Variants in GRB14 observed in about 807,000 individuals in gnomAD.
GRB14 encodes growth factor receptor-bound protein 14.
A neutral mutation model predicts 69.1 loss-of-function variants in GRB14; 38 were observed. That is an observed-to-expected ratio of 0.55 (90% confidence interval 0.42 to 0.72). GRB14 has a LOEUF of 0.72. GRB14 is among the 30% of genes least tolerant of loss of function. The pLI, the probability that GRB14 is intolerant of heterozygous loss-of-function variation, is 0.00. For missense variants in GRB14, 666 were observed against 666.1 expected (o/e 1.00, Z 0.00); for synonymous variants, 247 against 241.3 (o/e 1.02, Z -0.22).
chr2:164,552,279 T>C (rs182413891), intron 2 of GRB14, among the ~76,000 whole-genome samples: 2 of 152,348 alleles, frequency 1.3e-5, no homozygotes, highest in African/African-American at 4.8e-5. Context: ...AGTCTCTCTT[T>C]ATTCATAATT....
intron 8 of GRB14, among the ~76,000 whole-genome samples, chr2:164,503,747 A>T (rs1044527369): frequency 1.6e-4 from 24 of 152,328 alleles, no homozygotes; most frequent in African/African-American, 5.3e-4. Context: ...AATAACCTCA[A>T]ACCAACACTT....
chr2:164,519,464 A>G (rs1404076743), intron 6 of GRB14, among the ~76,000 whole-genome samples: 1 of 152,048 alleles, frequency 6.6e-6, no homozygotes, highest in Non-Finnish European at 1.5e-5. Flanking sequence ...ATGGATGCTC[A>G]CTCTCACCGG....
At chr2:164,606,118 T>A (rs1301288626) in intron 2 of GRB14, among the ~76,000 whole-genome samples, 1 of 152,182 alleles carries the variant, frequency 6.6e-6, no homozygotes, top group Admixed American at 6.6e-5. Context: ...CAATTAAAGT[T>A]AACGTTCCAA....
At chr2:164,511,405 A>C (rs1186328219) in intron 6 of GRB14, among the ~76,000 whole-genome samples, 1 of 152,156 alleles carries the variant, frequency 6.6e-6, no homozygotes, top group African/African-American at 2.4e-5. Context: ...TCTGTCTTAC[A>C]TCTTGGATAC....
chr2:164,563,113 C>T (rs749398324), intron 2 of GRB14, among the ~76,000 whole-genome samples: 2 of 152,004 alleles, frequency 1.3e-5, no homozygotes. Context: ...TAAACTAAGA[C>T]CACCATCCAT....
At chr2:164,512,054 A>C (rs1687353039) in intron 6 of GRB14, among the ~76,000 whole-genome samples, 1 of 152,170 alleles carries the variant, frequency 6.6e-6, no homozygotes, top group Non-Finnish European at 1.5e-5. Context: ...CTGCCAGTGA[A>C]AAGTGGGGGG....
At chr2:164,556,081 C>A (rs1346249426) in intron 2 of GRB14, among the ~76,000 whole-genome samples, 1 of 152,018 alleles carries the variant, frequency 6.6e-6, no homozygotes, top group Non-Finnish European at 1.5e-5. Flanking sequence ...TTTTAGATAT[C>A]TTGAATTAAG....
intron 9 of GRB14, among the ~76,000 whole-genome samples, chr2:164,499,658 GA>G (rs1005211531): frequency 1.9e-4 from 29 of 151,714 alleles, no homozygotes; most frequent in Non-Finnish European, 3.2e-4. Flanking sequence ...TTCTTTTTAA[GA>G]AAAAAAATAG....
At chr2:164,571,895 T>C (rs1157711854) in intron 2 of GRB14, among the ~76,000 whole-genome samples, 2 of 152,238 alleles carry the variant, frequency 1.3e-5, no homozygotes, top group Non-Finnish European at 2.9e-5. Flanking sequence ...TATTATTAAA[T>C]ACATAGCTTG....
intron 2 of GRB14, among the ~76,000 whole-genome samples, chr2:164,564,625 A>C (rs1379081614): frequency 3.9e-5 from 6 of 152,088 alleles, no homozygotes; most frequent in Non-Finnish European, 7.4e-5. Context: ...TTTTTCTCTG[A>C]GATTTCAGAA....
At chr2:164,558,736 C>G (rs1006733325) in intron 2 of GRB14, among the ~76,000 whole-genome samples, 15 of 152,292 alleles carry the variant, frequency 9.8e-5, no homozygotes, top group Admixed American at 2.0e-4. Flanking sequence ...ATTCCCAGAA[C>G]AGCCATAAGA....
At chr2:164,591,688 T>C (rs1243480380) in intron 2 of GRB14, among the ~76,000 whole-genome samples, 1 of 152,124 alleles carries the variant, frequency 6.6e-6, no homozygotes, top group Non-Finnish European at 1.5e-5. Flanking sequence ...TCAAGAACTA[T>C]TTCTTGAGCC....
At chr2:164,496,048 GCATTC>G (rs1298515797) in intron 12 of GRB14, among the ~76,000 whole-genome samples, 16 of 152,290 alleles carry the variant, frequency 1.1e-4, no homozygotes, top group Non-Finnish European at 1.8e-4. Flanking sequence ...CAAAAAGACT[GCATTC>G]CATGCAAAGA....
In GRB14 at chr2:164,621,458, T is replaced by A; in HGVS notation, c.-149A>T. Reference sequence around the variant, plus strand: ...CGCCTGCGCTCGGGGCCCCGGCGGCTGAGACGCGCGGCCGAGCTATCTGCG... The same window carrying A: ...CGCCTGCGCTCGGGGCCCCGGCGGCAGAGACGCGCGGCCGAGCTATCTGCG... On this transcript the variant is annotated 5_prime_UTR_variant, in exon 1 of 14. Transcript: ENST00000263915. The surrounding 1 kb of genome is among the most constrained non-coding windows in gnomAD (Gnocchi z 6.0). 1 of 384,834 alleles carries A rather than the reference T, an allele frequency of 2.6e-6. No individual in the cohort carries two copies. The highest frequency in any genetic ancestry group is 4.0e-6 in the Non-Finnish European group (1 of 252,862). The allele number at this position is 384,834 out of a possible 1,614,324, so 23.8% of individuals were successfully genotyped here. A position where few individuals can be genotyped will look rare whatever the true frequency, so the allele number is the denominator to read the frequency against.
chr2:164,504,251 G>C (rs549169429), intron 8 of GRB14, among the ~76,000 whole-genome samples: 150 of 151,984 alleles, frequency 9.9e-4, no homozygotes, highest in African/African-American at 3.5e-3. Context: ...CTAACAAGTG[G>C]TGTGTGATGA....
chr2:164,547,544 T>C, intron 3 of GRB14, 116 bp downstream of exon 3: 2 of 778,548 alleles, frequency 2.6e-6, no homozygotes, highest in Middle Eastern at 3.1e-4. Flanking sequence ...TGGGATCACC[T>C]ACAAGATATA....
At chr2:164,592,963 G>A (rs1195120355) in intron 2 of GRB14, among the ~76,000 whole-genome samples, 1 of 152,086 alleles carries the variant, frequency 6.6e-6, no homozygotes, top group African/African-American at 2.4e-5. Context: ...TAATCAACAT[G>A]TAGTTGCAAG....
intron 6 of GRB14, among the ~76,000 whole-genome samples, chr2:164,519,146 A>T (rs887463723): frequency 6.6e-6 from 1 of 152,192 alleles, no homozygotes; most frequent in Non-Finnish European, 1.5e-5. Flanking sequence ...AACCGAATCC[A>T]ACAGCATATT....
intron 2 of GRB14, among the ~76,000 whole-genome samples, chr2:164,560,706 T>C (rs1688801761): frequency 6.6e-6 from 1 of 152,080 alleles, no homozygotes; most frequent in African/African-American, 2.4e-5. Context: ...TCTTCAAATA[T>C]TGATAAAACT....
Sources: gnomAD v4.1 joint callset for allele counts (sites outside exome capture counted in the v4.1 genomes callset) on GRCh38, gnomAD v4.1.1 for gene constraint, Gnocchi (gnomAD v3.1) non-coding constraint, MANE v1.5 for transcripts, NCBI Gene and HGNC (gene_info 2026-07-23, HGNC 2026-07-21) for gene names.